Variants in SLC7A5 observed in about 807,000 individuals in gnomAD.
The protein encoded by SLC7A5 is large neutral amino acids transporter small subunit 1.
SLC7A5 carries 23 observed loss-of-function variants against 50.2 expected under a neutral mutation model. The ratio of observed to expected loss-of-function variants is 0.46; its 90% CI spans 0.33 to 0.65. SLC7A5 has a LOEUF of 0.65. Ranked by LOEUF, SLC7A5 falls within the 30% of genes least tolerant of loss-of-function variation. SLC7A5 has a pLI of 0.02. For missense variants in SLC7A5, 578 were observed against 684.4 expected (o/e 0.84, Z 1.73); for synonymous variants, 393 against 330.6 (o/e 1.19, Z -2.05).
At chr16:87,834,343 C>T (rs1478083943) in intron 9 of SLC7A5, 71 bp downstream of exon 9, 65 of 1,482,354 alleles carry the variant, frequency 4.4e-5, no homozygotes, top group East Asian at 1.5e-4. Flanking sequence ...TGGAGACGGC[C>T]GACGCCTCTC....
chr16:87,837,753 C>G, intron 7 of SLC7A5, 92 bp downstream of exon 7: 1 of 1,053,854 alleles, frequency 9.5e-7, no homozygotes, highest in Non-Finnish European at 1.4e-6. Context: ...AGTCCACACC[C>G]CAGACAGAGC....
intron 1 of SLC7A5, among the ~76,000 whole-genome samples, chr16:87,857,965 T>C (rs1157266910): frequency 6.6e-6 from 1 of 152,144 alleles, no homozygotes; most frequent in Non-Finnish European, 1.5e-5. Context: ...GCTCTGAAAT[T>C]TGCCAACATC....
In SLC7A5 at chr16:87,834,627, C is replaced by T. The variant is rs779079448; in HGVS notation, c.1291-36G>A. 1.3e-5 allele frequency: 21 copies of T among 1,558,310 alleles called. 1 individual carries two copies. The South Asian group carries it at 2.5e-4, about 18-fold the overall frequency. On this transcript the variant is annotated intron_variant, in intron 8 of 9. Transcript: ENST00000261622. Reference sequence around the variant, plus strand: ...GGACAGGGCCTGGGTGAGCCCTCTCCTGTCCAGCCTCCCTCCCCCATGCCC... The same window carrying T: ...GGACAGGGCCTGGGTGAGCCCTCTCTTGTCCAGCCTCCCTCCCCCATGCCC...
In SLC7A5 at chr16:87,841,253, C is replaced by A; in HGVS notation, c.665-98G>T. 1.2e-6 allele frequency: 1 copy of A among 808,600 alleles called. No individual in the cohort carries two copies. The highest frequency in any genetic ancestry group is 2.2e-6 in the Non-Finnish European group (1 of 462,392). The allele number at this position is 808,600 out of a possible 1,614,324, so 50.1% of individuals were successfully genotyped here. Reference sequence around the variant, plus strand: ...TTCCTGGAGCAAAATACATAGCAAACAAAAATGCTGGAGTGAAGGCTTTTC... The same window carrying A: ...TTCCTGGAGCAAAATACATAGCAAAAAAAAATGCTGGAGTGAAGGCTTTTC... On this transcript the variant is annotated intron_variant, in intron 2 of 9. Coordinates refer to ENST00000261622, the MANE Select transcript of SLC7A5 (RefSeq NM_003486.7). This position sits in a 1 kb window ranked among gnomAD's most constrained non-coding sequence, Gnocchi z 4.8.
chr16:87,835,755 T>A (rs1362269751), intron 8 of SLC7A5, among the ~76,000 whole-genome samples: 1 of 152,100 alleles, frequency 6.6e-6, no homozygotes, highest in Admixed American at 6.5e-5. Flanking sequence ...ATTACAGGCG[T>A]GAGCCACCGC....
chr16:87,845,610 G>A (rs2055144271), intron 2 of SLC7A5, among the ~76,000 whole-genome samples: 1 of 152,172 alleles, frequency 6.6e-6, no homozygotes, highest in African/African-American at 2.4e-5. Context: ...GCCATCTAAT[G>A]CCTGGGAACC....
rs573198256 is a variant in SLC7A5 at position 87,842,169 on chromosome 16, A to AT, written c.665-1015dup. Among the ~76,000 whole-genome samples, 35 of 152,360 alleles carry AT rather than the reference A, an allele frequency of 2.3e-4. 1 individual carries two copies. The South Asian group carries it at 6.8e-3, about 30-fold the overall frequency. On this transcript the variant is annotated intron_variant, in intron 2 of 9. Coordinates refer to ENST00000261622, the MANE Select transcript of SLC7A5 (RefSeq NM_003486.7). ...CCTCCTGCCTACCTGCCAGGTGCAT[A>AT]TACAGCTGGAGGCACAAGTGGAAAT...
intron 1 of SLC7A5, among the ~76,000 whole-genome samples, chr16:87,854,867 A>C (rs572808443): frequency 6.6e-6 from 1 of 152,120 alleles, no homozygotes; most frequent in Non-Finnish European, 1.5e-5. Context: ...GGGGCAGTGC[A>C]TTGGAGGAAC....
At chr16:87,848,835 C>T (rs76843104) in intron 2 of SLC7A5, among the ~76,000 whole-genome samples, 4,050 of 152,294 alleles carry the variant, frequency 0.027, 172 homozygotes, top group African/African-American at 0.089. Flanking sequence ...GGCATAGATG[C>T]GGCACACGGG....
chr16:87,836,489 C>T lies in SLC7A5; in HGVS notation c.1290+9G>A, dbSNP rs765587617. The T allele has an allele frequency of 8.7e-6, 14 of 1,608,552 alleles. No individual in the cohort carries two copies. Among genetic ancestry groups the T allele is most frequent in the East Asian group, 4.5e-5 (2 of 44,876 alleles). On this transcript the variant is annotated intron_variant, in intron 8 of 9. Coordinates refer to ENST00000261622, the MANE Select transcript of SLC7A5 (RefSeq NM_003486.7). Reference sequence around the variant, plus strand: ...GGGTGCCTGGGTGAGCGGGAGGCCCCGGGCTCACCTTGATGGGCCGCTCAA... The same window carrying T: ...GGGTGCCTGGGTGAGCGGGAGGCCCTGGGCTCACCTTGATGGGCCGCTCAA...
chr16:87,859,489 C>T (rs1284515501), intron 1 of SLC7A5, among the ~76,000 whole-genome samples: 1 of 152,156 alleles, frequency 6.6e-6, no homozygotes, highest in African/African-American at 2.4e-5. Context: ...ATTCTAAGCC[C>T]CGTAACTGAC....
Position 87,841,067 on chromosome 16 carries a change from G to T in SLC7A5, c.753C>A (p.Leu251=). Residue 251 remains leucine (L), a synonymous_variant, in exon 3 of 10, where the codon CTC becomes CTA. Coordinates refer to ENST00000261622, the MANE Select transcript of SLC7A5 (RefSeq NM_003486.7). This position sits in a 1 kb window ranked among gnomAD's most constrained non-coding sequence, Gnocchi z 4.8. ...GAACCTACCATCCTCCATAGGCAAAGAGGCCGCTGTATAATGCCAGCACAA... is the reference window on the plus strand; with the variant it reads ...GAACCTACCATCCTCCATAGGCAAATAGGCCGCTGTATAATGCCAGCACAA... ...GNIVLALYSG[L]FAYGGWNYLN... The T allele has an allele frequency of 6.2e-7, 1 of 1,613,358 alleles. No individual in the cohort carries two copies. The highest frequency in any genetic ancestry group is 8.5e-7 in the Non-Finnish European group (1 of 1,179,448).
At chr16:87,867,698 G>A (rs1055440434) in intron 1 of SLC7A5, among the ~76,000 whole-genome samples, 5 of 152,108 alleles carry the variant, frequency 3.3e-5, no homozygotes, top group African/African-American at 1.2e-4. Context: ...ACACACTATT[G>A]AGATGCAGGC....
chr16:87,840,934 G>A (rs2055075694), intron 3 of SLC7A5, 116 bp downstream of exon 3: 1 of 733,160 alleles, frequency 1.4e-6, no homozygotes. Flanking sequence ...GCAGTTAAAG[G>A]GAGGGGCAGT....
chr16:87,848,919 C>A (rs1477161861), intron 2 of SLC7A5, among the ~76,000 whole-genome samples: 1 of 71,084 alleles, frequency 1.4e-5, no homozygotes, highest in Non-Finnish European at 2.6e-5. Flanking sequence ...GGAAACAGGT[C>A]AGCCAAGGCC....
At chr16:87,855,127 T>C (rs8064148) in intron 1 of SLC7A5, among the ~76,000 whole-genome samples, 78,491 of 151,862 alleles carry the variant, frequency 0.52, 20,734 homozygotes, top group East Asian at 0.79. Context: ...GCAGGAGGGA[T>C]TGGGGACGCG....
chr16:87,867,040 C>A (rs1238152945), intron 1 of SLC7A5, among the ~76,000 whole-genome samples: 1 of 151,814 alleles, frequency 6.6e-6, no homozygotes, highest in East Asian at 1.9e-4. Flanking sequence ...ATGCCTCAGA[C>A]TCATAAGCAG....
At position 87,833,375 on chromosome 16, in the gene SLC7A5, C is replaced by G. The variant is rs998530649; in HGVS notation, c.1469-350G>C. Reference sequence around the variant, plus strand: ...ACAGGCCTTCCTGCAGGTCCACACCCGGGCCACCACCTGGACACATGCCTG... The same window carrying G: ...ACAGGCCTTCCTGCAGGTCCACACCGGGGCCACCACCTGGACACATGCCTG... On this transcript the variant is annotated intron_variant, in intron 9 of 9. Coordinates refer to ENST00000261622, the MANE Select transcript of SLC7A5 (RefSeq NM_003486.7). The surrounding 1 kb of genome is among the most constrained non-coding windows in gnomAD (Gnocchi z 6.0). Among the ~76,000 whole-genome samples the G allele has an allele frequency of 2.6e-5, 4 of 152,228 alleles. No homozygotes were observed. The highest frequency in any genetic ancestry group is 4.8e-5 in the African/African-American group (2 of 41,458).
chr16:87,840,397 A>T (rs1403580160), intron 4 of SLC7A5, 32 bp downstream of exon 4: 1 of 1,589,990 alleles, frequency 6.3e-7, no homozygotes, highest in Non-Finnish European at 8.6e-7. Context: ...AAAATAATGA[A>T]AAAAGACGGC....
Sources: allele counts gnomAD v4.1 joint callset (sites outside exome capture counted in the v4.1 genomes callset), GRCh38; gene constraint gnomAD v4.1.1; non-coding constraint Gnocchi (gnomAD v3.1); transcripts MANE v1.5; gene names NCBI Gene and HGNC (gene_info 2026-07-23, HGNC 2026-07-21).